The following GYPB variants were observed in gnomAD, a reference collection of about 807,000 sequenced individuals.
The protein encoded by GYPB is glycophorin-B.
A neutral mutation model predicts 15.3 loss-of-function variants in GYPB; 13 were observed. That is an observed-to-expected ratio of 0.85 (90% CI 0.55 to 1.35). GYPB has a LOEUF of 1.35. Among genes scored for constraint, GYPB ranks in the 40% most tolerant of loss-of-function variants. GYPB has a pLI of 0.00. For missense variants in GYPB, 131 were observed against 108.3 expected (o/e 1.21, Z -0.93); for synonymous variants, 38 against 36.9 (o/e 1.03, Z -0.11).
rs569039598 is a variant in GYPB, at chr4:144,009,998, G to A, written c.38-8715C>T. Among the ~76,000 whole-genome samples the A allele has an allele frequency of 4.1e-4, 62 of 151,358 alleles. 3 individuals carry two copies. The highest frequency in any genetic ancestry group is 1.5e-3 in the African/African-American group (60 of 40,702). On this transcript the variant is annotated intron_variant, in intron 1 of 4. Transcript: ENST00000502664. ...AAAACTAGGGGGCCAGCCGTTCACA[G>A]GCTATAGTTTGCTTGGCCCCTGTAT... is the stretch of plus-strand genomic sequence containing the variant.
chr4:143,997,829 G>T (rs1470541975), intron 3 of GYPB, among the ~76,000 whole-genome samples, 195 bp from the exon 4 acceptor site: 5 of 151,368 alleles, frequency 3.3e-5, no homozygotes, highest in Admixed American at 2.6e-4. Context: ...GACTGTGAGT[G>T]ATCAAGTCTT....
intron 1 of GYPB, among the ~76,000 whole-genome samples, chr4:144,006,287 G>A (rs1284635778): frequency 7.8e-4 from 119 of 152,014 alleles, no homozygotes; most frequent in Non-Finnish European, 1.1e-3. Context: ...GTATAACATC[G>A]GATATGTTCC....
intron 2 of GYPB, chr4:144,000,355 G>C (rs1249485885): frequency 3.7e-6 from 2 of 537,954 alleles, no homozygotes; most frequent in Non-Finnish European, 5.4e-6. Flanking sequence ...AATGACTCCA[G>C]AGAAACTATT....
chr4:144,009,155 G>A lies in GYPB; in HGVS notation c.38-7872C>T, dbSNP rs552945957. Among the ~76,000 whole-genome samples, 10 of 151,360 alleles carry A rather than the reference G, an allele frequency of 6.6e-5. 1 individual carries two copies. The highest frequency in any genetic ancestry group is 2.2e-4 in the African/African-American group (9 of 40,714). ...TACTTTAATCACTTTCCAAGGATAA[G>A]CTCATCAGTGTGTGAAACAGACAGA... On this transcript the variant is annotated intron_variant, in intron 1 of 4. Transcript: ENST00000502664.
chr4:144,007,366 T>C (rs1454039414), intron 1 of GYPB, among the ~76,000 whole-genome samples: 28 of 151,980 alleles, frequency 1.8e-4, no homozygotes, highest in African/African-American at 5.6e-4. Context: ...GCAGTCCCCA[T>C]ACAACTAATT....
rs995759815 is a variant in GYPB at position 144,017,856 on chromosome 4, T to G, written c.37+1395A>C. Among the ~76,000 whole-genome samples the G allele has an allele frequency of 5.3e-5, 8 of 151,352 alleles. 1 individual carries two copies. The highest frequency in any genetic ancestry group is 2.0e-4 in the African/African-American group (8 of 40,678). On this transcript the variant is annotated intron_variant, in intron 1 of 4. Coordinates refer to ENST00000502664, the MANE Select transcript of GYPB (RefSeq NM_002100.6). The stretch of plus-strand genomic sequence containing the variant: ...CAAATATTACACTACATCCCTTTCA[T>G]TTGTTTTCTTCAAACTAAATGTTTT...
chr4:144,001,440 G>T (rs1209639367), intron 1 of GYPB, among the ~76,000 whole-genome samples, 157 bp from the exon 2 acceptor site: 2 of 151,446 alleles, frequency 1.3e-5, no homozygotes, highest in Non-Finnish European at 2.9e-5. Flanking sequence ...TTGCTGCGTG[G>T]TAAGTATTGT....
chr4:144,010,512 T>G (rs1023050149), intron 1 of GYPB, among the ~76,000 whole-genome samples: 1 of 151,388 alleles, frequency 6.6e-6, no homozygotes, highest in African/African-American at 2.5e-5. Context: ...TATATCAAAG[T>G]ACATCACACA....
chr4:144,003,476 T>G (rs1446846503), intron 1 of GYPB, among the ~76,000 whole-genome samples: 4 of 151,308 alleles, frequency 2.6e-5, no homozygotes, highest in Non-Finnish European at 5.9e-5. Flanking sequence ...GGCAGAAAAT[T>G]ACAGCAGGTT....
chr4:144,015,342 G>C (rs1349194941), intron 1 of GYPB, among the ~76,000 whole-genome samples: 1 of 151,046 alleles, frequency 6.6e-6, no homozygotes, highest in Non-Finnish European at 1.5e-5. Flanking sequence ...ACACAGATAG[G>C]TACTTACTAA....
intron 1 of GYPB, among the ~76,000 whole-genome samples, chr4:144,013,736 A>G (rs1440951715): frequency 5.7e-5 from 7 of 123,458 alleles, no homozygotes; most frequent in Non-Finnish European, 9.5e-5. Context: ...ACATGGACAC[A>G]GGAAGGGGAA....
intron 1 of GYPB, among the ~76,000 whole-genome samples, chr4:144,005,850 G>A (rs1727883364): frequency 6.6e-6 from 1 of 151,506 alleles, no homozygotes; most frequent in African/African-American, 2.5e-5. Flanking sequence ...GATGAACCCT[G>A]AAGGATGGGC....
At chr4:144,018,961 A>G (rs946669974) in intron 1 of GYPB, among the ~76,000 whole-genome samples, 6 of 151,458 alleles carry the variant, frequency 4.0e-5, no homozygotes, top group African/African-American at 1.5e-4. Context: ...ATTCACAGAG[A>G]GCTATTTCTC....
chr4:144,004,738 C>A (rs1267563943), intron 1 of GYPB, among the ~76,000 whole-genome samples: 15 of 151,828 alleles, frequency 9.9e-5, no homozygotes, highest in Admixed American at 4.6e-4. Context: ...ATGTTCAAAA[C>A]TACATTTGAT....
intron 3 of GYPB, among the ~76,000 whole-genome samples, 185 bp from the exon 4 acceptor site, chr4:143,997,819 G>A: frequency 6.6e-6 from 1 of 151,304 alleles, no homozygotes; most frequent in Non-Finnish European, 1.5e-5. Flanking sequence ...GGGAAACTGG[G>A]ACTGTGAGTG....
chr4:143,997,826 A>G (rs1196886541), intron 3 of GYPB, among the ~76,000 whole-genome samples, 192 bp from the exon 4 acceptor site: 3 of 151,404 alleles, frequency 2.0e-5, no homozygotes, highest in Admixed American at 6.6e-5. Context: ...TGGGACTGTG[A>G]GTGATCAAGT....
intron 1 of GYPB, among the ~76,000 whole-genome samples, chr4:144,017,951 C>T (rs552020865): frequency 2.6e-5 from 4 of 151,280 alleles, no homozygotes; most frequent in African/African-American, 9.8e-5. Context: ...ATTTTCTTGT[C>T]TCTCTGACTC....
intron 1 of GYPB, among the ~76,000 whole-genome samples, chr4:144,001,885 C>T (rs1314580917): frequency 2.1e-5 from 3 of 142,086 alleles, no homozygotes; most frequent in African/African-American, 7.9e-5. Flanking sequence ...TATTACATTG[C>T]ATGAACCCAG....
At chr4:144,011,613 A>C (rs1033201697) in intron 1 of GYPB, among the ~76,000 whole-genome samples, 11 of 151,306 alleles carry the variant, frequency 7.3e-5, no homozygotes, top group African/African-American at 2.7e-4. Flanking sequence ...ACCATTGAGA[A>C]ATTTTAAGTT....
Sources: allele counts gnomAD v4.1 joint callset (sites outside exome capture counted in the v4.1 genomes callset), GRCh38; gene constraint gnomAD v4.1.1; transcripts MANE v1.5; gene names NCBI Gene and HGNC (gene_info 2026-07-23, HGNC 2026-07-21).